The following CELSR3 variants were observed in gnomAD, a reference collection of about 807,000 sequenced individuals.
The protein encoded by CELSR3 is cadherin EGF LAG seven-pass G-type receptor 3, also known as EGF-like protein 1.
A neutral mutation model predicts 270.0 loss-of-function variants in CELSR3; 73 were observed. That is an observed-to-expected ratio of 0.27 (90% CI 0.22 to 0.33). CELSR3 has a LOEUF of 0.33. Ranked by LOEUF, CELSR3 falls within the 10% of genes least tolerant of loss-of-function variation. The pLI is 1.00. For missense variants in CELSR3, 3,614 were observed against 4,533.8 expected (o/e 0.80, Z 5.83); for synonymous variants, 1,780 against 1,905.4 (o/e 0.93, Z 1.71).
Position 48,642,235 on chromosome 3 carries a change from G to A in CELSR3, c.8665+123C>T, listed in dbSNP as rs1488837479. 9.0e-7 allele frequency: 1 copy of A among 1,106,820 alleles called. No individual in the cohort carries two copies. The highest frequency in any genetic ancestry group is 1.3e-6 in the Non-Finnish European group (1 of 791,102). The allele number at this position is 1,106,820 out of a possible 1,614,324, so 68.6% of individuals were successfully genotyped here. ...GCTGGAGAGGTAGGTGCCTCCTGAG[G>A]CAGGGACCCTGGGGGAGATCGTCCC... On this transcript the variant is annotated intron_variant, in intron 31 of 34. Transcript: ENST00000164024. The surrounding 1 kb of genome is among the most constrained non-coding windows in gnomAD (Gnocchi z 6.1).
Position 48,643,631 on chromosome 3 carries a change from A to C in CELSR3, c.8212T>G (p.Trp2738Gly). The C allele has an allele frequency of 6.4e-7, 1 of 1,551,630 alleles. No homozygotes were observed. The highest frequency in any genetic ancestry group is 8.7e-7 in the Non-Finnish European group (1 of 1,147,162). The change falls in exon 28 of 35, where the codon TGG becomes GGG. Residue 2738 changes from tryptophan to glycine, a missense_variant. By Grantham distance (184) the Trp-to-Gly change is radical. Around this residue, in one of 7 missense-constraint regions of CELSR3, gnomAD observed 1,240 missense variants for 1,351.7 expected, o/e 0.92. Coordinates refer to ENST00000164024, the MANE Select transcript of CELSR3 (RefSeq NM_001407.3). ...TTGACTGCCAGGAGCCCAAAGAGCCAGGAGGCACTGACCAGCAGAAGCAGC... is the reference window on the plus strand; with the variant it reads ...TTGACTGCCAGGAGCCCAAAGAGCCCGGAGGCACTGACCAGCAGAAGCAGC... ...FLLLLLVSAS[W>G]LFGLLAVNHS...
Position 48,655,407 on chromosome 3 carries a change from T to C in CELSR3, c.4742-13A>G, listed in dbSNP as rs148277496. ...GTGTTGGATTCACCTGGAGGGGAGATGCATGTGGAATCATCAGGAGCAGCG... is the reference window on the plus strand; with the variant it reads ...GTGTTGGATTCACCTGGAGGGGAGACGCATGTGGAATCATCAGGAGCAGCG... On this transcript the variant is annotated splice_polypyrimidine_tract_variant and intron_variant, in intron 4 of 34. Coordinates refer to ENST00000164024, the MANE Select transcript of CELSR3 (RefSeq NM_001407.3). The surrounding 1 kb of genome is among the most constrained non-coding windows in gnomAD (Gnocchi z 5.8). 2,779 of 1,613,790 alleles carry C rather than the reference T, an allele frequency of 1.7e-3. 40 individuals carry two copies. The African/African-American group carries it at 0.032, about 18-fold the overall frequency.
At position 48,645,894 on chromosome 3, in the gene CELSR3, A is replaced by G. The variant is rs1363302811; in HGVS notation, c.7464-26T>C. The G allele has an allele frequency of 6.3e-7, 1 of 1,586,020 alleles. No individual in the cohort carries two copies. On this transcript the variant is annotated intron_variant, in intron 22 of 34. Coordinates refer to ENST00000164024, the MANE Select transcript of CELSR3 (RefSeq NM_001407.3). This position sits in a 1 kb window ranked among gnomAD's most constrained non-coding sequence, Gnocchi z 5.4. ...CTGCAGCCACAGGGCAGTTAGACAC[A>G]ACTGTGACCCAGTGTCAGGCAGGGG...
chr3:48,644,271 C>T lies in CELSR3; in HGVS notation c.8110G>A (p.Ala2704Thr), dbSNP rs761647376. The change falls in exon 27 of 35, where the codon GCT becomes ACT. Residue 2704 changes from alanine (A) to threonine (T), a missense_variant. Around this residue, in one of 7 missense-constraint regions of CELSR3, gnomAD observed 1,240 missense variants for 1,351.7 expected, o/e 0.92. Transcript: ENST00000164024. The surrounding 1 kb of genome is among the most constrained non-coding windows in gnomAD (Gnocchi z 4.8). ...IVMNGTMFLL[A>T]ARTSCSTGQR... Reference sequence around the variant, plus strand: ...CCTGTGGAGCAGGATGTGCGGGCAGCGAGGAGAAACATGGTCCCGTTCATC... The same window carrying T: ...CCTGTGGAGCAGGATGTGCGGGCAGTGAGGAGAAACATGGTCCCGTTCATC... 15 of 1,612,746 alleles carry T rather than the reference C, an allele frequency of 9.3e-6. No homozygotes were observed. The highest frequency in any genetic ancestry group is 6.7e-5 in the East Asian group (3 of 44,870).
In CELSR3 at chr3:48,650,680, C is replaced by A; in HGVS notation, c.6371-99G>T. On this transcript the variant is annotated intron_variant, in intron 15 of 34. Coordinates refer to ENST00000164024, the MANE Select transcript of CELSR3 (RefSeq NM_001407.3). This position sits in a 1 kb window ranked among gnomAD's most constrained non-coding sequence, Gnocchi z 5.1. ...ACCACCCCCCACAAGGCCCACTGCC[C>A]GCCACTCCTGCTGGCTTCTCAGGAG... 9.0e-7 allele frequency: 1 copy of A among 1,108,946 alleles called. No individual in the cohort carries two copies. Among genetic ancestry groups the A allele is most frequent in the South Asian group, 1.5e-5 (1 of 66,886 alleles). The allele number at this position is 1,108,946 out of a possible 1,614,324, so 68.7% of individuals were successfully genotyped here.
Position 48,653,335 on chromosome 3 carries a change from G to A in CELSR3, c.5449-148C>T. On this transcript the variant is annotated intron_variant, in intron 9 of 34. Transcript: ENST00000164024. This position sits in a 1 kb window ranked among gnomAD's most constrained non-coding sequence, Gnocchi z 6.5. Reference sequence around the variant, plus strand: ...CTGGCACAAAGGGCACTGTGCCAGGGGACATCATGTTGCTGATATGGGGTC... The same window carrying A: ...CTGGCACAAAGGGCACTGTGCCAGGAGACATCATGTTGCTGATATGGGGTC... 1 of 771,656 alleles carries A rather than the reference G, an allele frequency of 1.3e-6. No individual in the cohort carries two copies. The highest frequency in any genetic ancestry group is 2.7e-5 in the East Asian group (1 of 37,230). The allele number at this position is 771,656 out of a possible 1,614,324, so 47.8% of individuals were successfully genotyped here.
At chr3:48,643,229 G>C in intron 28 of CELSR3, 146 bp from the exon 29 acceptor site, 1 of 653,452 alleles carries the variant, frequency 1.5e-6, no homozygotes, top group Non-Finnish European at 2.7e-6. Flanking sequence ...GGGAGTTGGG[G>C]AAGGTCAGCA....
chr3:48,655,611 G>T lies in CELSR3; in HGVS notation c.4741+125C>A. 1.1e-6 allele frequency: 1 copy of T among 936,430 alleles called. No individual in the cohort carries two copies. Among genetic ancestry groups the T allele is most frequent in the Non-Finnish European group, 1.7e-6 (1 of 583,246 alleles). The allele number at this position is 936,430 out of a possible 1,614,324, so 58.0% of individuals were successfully genotyped here. On this transcript the variant is annotated intron_variant, in intron 4 of 34. Coordinates refer to ENST00000164024, the MANE Select transcript of CELSR3 (RefSeq NM_001407.3). This position sits in a 1 kb window ranked among gnomAD's most constrained non-coding sequence, Gnocchi z 5.8. ...CCACAGGGAATGGCCAAGGAGCTAGGTCTTCAGGGCTTGCATGGCGTGGAG... is the reference window on the plus strand; with the variant it reads ...CCACAGGGAATGGCCAAGGAGCTAGTTCTTCAGGGCTTGCATGGCGTGGAG...
In CELSR3 at chr3:48,662,401, C is replaced by T. The variant is rs1325332429; in HGVS notation, c.234G>A (p.Leu78=). ...SGVREDGGPG[L]GVREPIFVGL... is the part of the protein sequence containing the mutation. Reference sequence around the variant, plus strand: ...CCACGAAGATAGGCTCCCTGACCCCCAGGCCAGGCCCCCCATCCTCCCGGA... The same window carrying T: ...CCACGAAGATAGGCTCCCTGACCCCTAGGCCAGGCCCCCCATCCTCCCGGA... The change falls in exon 1 of 35, where the codon CTG becomes CTA. Residue 78 remains leucine (L), a synonymous_variant. Transcript: ENST00000164024. This position sits in a 1 kb window ranked among gnomAD's most constrained non-coding sequence, Gnocchi z 7.1. 6.2e-7 allele frequency: 1 copy of T among 1,612,938 alleles called. No homozygotes were observed.
Position 48,641,782 on chromosome 3 carries a change from A to G in CELSR3, c.8824+69T>C, listed in dbSNP as rs955432428. ...AGGATGAACCCCAACCGCAGGAAAG[A>G]TGGGGAGCTGGAGGGATAACAAATG... On this transcript the variant is annotated intron_variant, in intron 32 of 34. Transcript: ENST00000164024. The surrounding 1 kb of genome is among the most constrained non-coding windows in gnomAD (Gnocchi z 4.8). 6 of 1,375,722 alleles carry G rather than the reference A, an allele frequency of 4.4e-6. No homozygotes were observed. The highest frequency in any genetic ancestry group is 2.6e-4 in the Middle Eastern group (1 of 3,786). 85.2% of individuals were successfully genotyped at this position (1,375,722 alleles called of 1,614,324 possible).
chr3:48,638,022 C>A lies in CELSR3; in HGVS notation c.*183G>T. 1 of 588,488 alleles carries A rather than the reference C, an allele frequency of 1.7e-6. No individual in the cohort carries two copies. Among genetic ancestry groups the A allele is most frequent in the Non-Finnish European group, 3.1e-6 (1 of 320,126 alleles). 36.5% of individuals were successfully genotyped at this position (588,488 alleles called of 1,614,324 possible). A position where few individuals can be genotyped will look rare whatever the true frequency, so the allele number is the denominator to read the frequency against. On this transcript the variant is annotated 3_prime_UTR_variant, in exon 35 of 35. Coordinates refer to ENST00000164024, the MANE Select transcript of CELSR3 (RefSeq NM_001407.3). ...CTCCCTCCAGTCCCCCGTCTCTGCA[C>A]CTGTCACACGCATGCTCACAGATGC...
In CELSR3 at chr3:48,660,636, C is replaced by T. The variant is rs933016394; in HGVS notation, c.1999G>A (p.Gly667Ser). The T allele has an allele frequency of 1.2e-6, 2 of 1,614,136 alleles. No individual in the cohort carries two copies. The highest frequency in any genetic ancestry group is 1.7e-6 in the Non-Finnish European group (2 of 1,180,018). The change falls in exon 1 of 35, where the codon GGT becomes AGT. Residue 667 changes from glycine to serine, a missense_variant. This residue lies in a region of CELSR3 where 354 missense variants were observed against 500.9 expected (regional missense o/e 0.71). Transcript: ENST00000164024. The surrounding 1 kb of genome is among the most constrained non-coding windows in gnomAD (Gnocchi z 5.5). The part of the protein sequence containing the change: ...QVSVLENAPL[G>S]HSVIHIQAVD... ...GCCTGAATGTGGATGACTGAGTGAC[C>T]CAAGGGAGCATTTTCCAAGACAGAA... is the stretch of plus-strand genomic sequence containing the variant.
chr3:48,655,944 G>GCGAGAGAGGAAGCGA lies in CELSR3; in HGVS notation c.4626-108_4626-94dup. On this transcript the variant is annotated intron_variant, in intron 3 of 34. Coordinates refer to ENST00000164024, the MANE Select transcript of CELSR3 (RefSeq NM_001407.3). This position sits in a 1 kb window ranked among gnomAD's most constrained non-coding sequence, Gnocchi z 5.8. ...ATCCCTGCGAGGAGAAGGGGCTGGG[G>GCGAGAGAGGAAGCGA]CGAGAGAGGAAGCGACGAGGGACGG... 1 of 1,221,130 alleles carries GCGAGAGAGGAAGCGA rather than the reference G, an allele frequency of 8.2e-7. No individual in the cohort carries two copies. Among genetic ancestry groups the GCGAGAGAGGAAGCGA allele is most frequent in the East Asian group, 2.5e-5 (1 of 39,234 alleles). 75.6% of individuals were successfully genotyped at this position (1,221,130 alleles called of 1,614,324 possible).
Position 48,641,498 on chromosome 3 carries a change from A to G in CELSR3, c.8851T>C (p.Tyr2951His). ...TCGCACTCCCCCAGGGCTGGCCAGT[A>G]GGACAGGAGGTCATTGCCATCCACA... The part of the protein sequence containing the change: ...KDVDGNDLLS[Y>H]WPALGECEAA... The change falls in exon 33 of 35, where the codon TAC (tyrosine) becomes CAC (histidine). Residue 2951 changes from tyrosine to histidine, a missense_variant. Physicochemically the swap from Tyr to His is moderately conservative, Grantham distance 83 (BLOSUM62 2). Coordinates refer to ENST00000164024, the MANE Select transcript of CELSR3 (RefSeq NM_001407.3). The surrounding 1 kb of genome is among the most constrained non-coding windows in gnomAD (Gnocchi z 4.8). The G allele has an allele frequency of 6.2e-7, 1 of 1,612,282 alleles. No homozygotes were observed. Among genetic ancestry groups the G allele is most frequent in the Non-Finnish European group, 8.5e-7 (1 of 1,179,744 alleles).
At chr3:48,656,477 C>G in intron 2 of CELSR3, 112 bp from the exon 3 acceptor site, 1 of 1,171,350 alleles carries the variant, frequency 8.5e-7, no homozygotes, top group Non-Finnish European at 1.1e-6. Flanking sequence ...AAAGGTCGCC[C>G]TCTTCGGTGG....
At position 48,646,067 on chromosome 3, in the gene CELSR3, G is replaced by T; in HGVS notation, c.7463+23C>A. On this transcript the variant is annotated intron_variant, in intron 22 of 34. Transcript: ENST00000164024. This position sits in a 1 kb window ranked among gnomAD's most constrained non-coding sequence, Gnocchi z 4.8. The stretch of plus-strand genomic sequence containing the variant: ...CTCCCAAGGGCTAACGGGACCAAGG[G>T]TTTCCAGAATGGGGGTCCTCACAGG... The T allele has an allele frequency of 6.2e-7, 1 of 1,611,314 alleles. No individual in the cohort carries two copies.
In CELSR3 at chr3:48,641,997, T is replaced by A; in HGVS notation, c.8678A>T (p.Asp2893Val). The A allele has an allele frequency of 6.5e-7, 1 of 1,540,954 alleles. No homozygotes were observed. The highest frequency in any genetic ancestry group is 1.7e-4 in the Middle Eastern group (1 of 5,720). ...CTCCAAGGACAGGTCACTGTCAGAG[T>A]CGGAGTCTGCGCCTGGAGTTGGGAA... Reference protein sequence around the residue: ...MFHRDAGADSDSDSDLSLEEE... With the variant: ...MFHRDAGADSVSDSDLSLEEE... Residue 2893 changes from aspartate (D) to valine (V), a missense_variant, in exon 32 of 35, where the codon GAC becomes GTC. Coordinates refer to ENST00000164024, the MANE Select transcript of CELSR3 (RefSeq NM_001407.3). The surrounding 1 kb of genome is among the most constrained non-coding windows in gnomAD (Gnocchi z 4.8).
intron 34 of CELSR3, among the ~76,000 whole-genome samples, chr3:48,638,444 T>C (rs2046992922): frequency 6.6e-6 from 1 of 152,206 alleles, no homozygotes; most frequent in East Asian, 1.9e-4. Context: ...GCTGCCCAGG[T>C]GTTTTCTCTA....
At position 48,640,068 on chromosome 3, in the gene CELSR3, G is replaced by A; in HGVS notation, c.9517C>T (p.Pro3173Ser). ...RDLDPQPPPL[P>S]LSPQRQLSRD... is the part of the protein sequence containing the mutation. Reference sequence around the variant, plus strand: ...GAGAGTTGCCGCTGGGGAGACAGGGGCAGAGGTGGGGGCTGTGGGTCAAGG... The same window carrying A: ...GAGAGTTGCCGCTGGGGAGACAGGGACAGAGGTGGGGGCTGTGGGTCAAGG... Residue 3173 changes from proline to serine, a missense_variant, in exon 34 of 35, where the codon CCC becomes TCC. Coordinates refer to ENST00000164024, the MANE Select transcript of CELSR3 (RefSeq NM_001407.3). The surrounding 1 kb of genome is among the most constrained non-coding windows in gnomAD (Gnocchi z 7.5). 1 of 1,610,656 alleles carries A rather than the reference G, an allele frequency of 6.2e-7. No homozygotes were observed. Among genetic ancestry groups the A allele is most frequent in the South Asian group, 1.1e-5 (1 of 91,032 alleles).
Sources: gnomAD v4.1 joint callset for allele counts (sites outside exome capture counted in the v4.1 genomes callset) on GRCh38, gnomAD v4.1.1 for gene constraint, gnomAD v4.1.1 regional missense constraint, Gnocchi (gnomAD v3.1) non-coding constraint, MANE v1.5 for transcripts, NCBI Gene and HGNC (gene_info 2026-07-23, HGNC 2026-07-21) for gene names.